Variants in SYT1 observed in about 807,000 individuals in gnomAD.
The protein encoded by SYT1 is synaptotagmin 1, also known as synaptotagmin-1.
In SYT1, 8 loss-of-function variants were observed where a neutral mutation model predicts 44.8. That is an observed-to-expected ratio of 0.18 (90% CI 0.10 to 0.32). SYT1 has a LOEUF of 0.32. SYT1 is among the 10% of genes least tolerant of loss of function. The pLI is 1.00. For missense variants in SYT1, 286 were observed against 509.3 expected, an observed-to-expected ratio of 0.56 and a Z score of 4.22; for synonymous variants, 154 against 188.8, an observed-to-expected ratio of 0.82 and a Z score of 1.51.
intron 3 of SYT1, among the ~76,000 whole-genome samples, chr12:79,178,970 A>C (rs1206443963): frequency 1.3e-5 from 1 of 75,304 alleles, no homozygotes; most frequent in East Asian, 3.5e-4. Flanking sequence ...AGATATAGAT[A>C]TATAGATATA....
intron 3 of SYT1, among the ~76,000 whole-genome samples, chr12:79,052,324 T>C (rs1455285302): frequency 6.6e-6 from 1 of 152,038 alleles, no homozygotes; most frequent in Admixed American, 6.6e-5. Context: ...TGAAATGGGA[T>C]CCCTTCCTTA....
intron 2 of SYT1, among the ~76,000 whole-genome samples, chr12:79,019,702 A>ATT (rs1872058578): frequency 6.6e-6 from 1 of 151,922 alleles, no homozygotes; most frequent in African/African-American, 2.4e-5. Context: ...TTATTTATTT[A>ATT]TTTATTTTAC....
intron 9 of SYT1, among the ~76,000 whole-genome samples, chr12:79,401,502 G>A (rs1454221079): frequency 6.6e-6 from 1 of 152,078 alleles, no homozygotes; most frequent in African/African-American, 2.4e-5. Flanking sequence ...CAAAATCAAA[G>A]TTGGCCCCTT....
At chr12:79,055,892 C>A (rs1435667004) in intron 3 of SYT1, among the ~76,000 whole-genome samples, 1 of 151,934 alleles carries the variant, frequency 6.6e-6, no homozygotes, top group Non-Finnish European at 1.5e-5. Flanking sequence ...TACCACCTAA[C>A]AAATTTCAGT....
At position 79,249,100 on chromosome 12, in the gene SYT1, T is replaced by TTC. The variant is rs1408177969; in HGVS notation, c.166+31416_166+31417insCT. Among the ~76,000 whole-genome samples, 70 of 113,084 alleles carry TTC rather than the reference T, an allele frequency of 6.2e-4. 1 individual carries two copies. The highest frequency in any genetic ancestry group is 2.5e-3 in the African/African-American group (69 of 27,784). 74.2% of individuals were successfully genotyped at this position (113,084 alleles called of 152,430 possible). On this transcript the variant is annotated intron_variant, in intron 4 of 10. Transcript: ENST00000261205. Reference sequence around the variant, plus strand: ...TCTTTACCTCTTTCTTTTTTTTTTTTTTTTTTTTTTTTTTTGAGACGGAGT... The same window carrying TTC: ...TCTTTACCTCTTTCTTTTTTTTTTTTTCTTTTTTTTTTTTTTTGAGACGGAGT...
chr12:78,921,386 G>A (rs1021249679), intron 1 of SYT1, among the ~76,000 whole-genome samples: 6 of 151,890 alleles, frequency 4.0e-5, no homozygotes, highest in African/African-American at 1.4e-4. Flanking sequence ...AGAGTCTCTG[G>A]CAGAAAGCAG....
At chr12:79,430,525 C>T (rs1869714802) in intron 9 of SYT1, among the ~76,000 whole-genome samples, 1 of 152,184 alleles carries the variant, frequency 6.6e-6, no homozygotes, top group Non-Finnish European at 1.5e-5. Flanking sequence ...GTGGCTCATG[C>T]CTGTAATCCC....
chr12:79,281,739 TATATACAGC>T (rs1291241221), intron 4 of SYT1, among the ~76,000 whole-genome samples: 1 of 152,218 alleles, frequency 6.6e-6, no homozygotes, highest in Non-Finnish European at 1.5e-5. Flanking sequence ...TATAGTTACC[TATATACAGC>T]ATATATTACA....
At chr12:79,123,308 A>AGTGTGTGTGTGTGT (rs763524667) in intron 3 of SYT1, among the ~76,000 whole-genome samples, 1,389 of 96,506 alleles carry the variant, frequency 0.014, 18 homozygotes, top group African/African-American at 0.025. Context: ...CTAAAAATGC[A>AGTGTGTGTGTGTGT]ATGTGTGTGT....
At chr12:79,039,935 C>G (rs1361065296) in intron 2 of SYT1, among the ~76,000 whole-genome samples, 2 of 145,662 alleles carry the variant, frequency 1.4e-5, no homozygotes, top group African/African-American at 5.1e-5. Flanking sequence ...ATCCATGTCC[C>G]TACAAAGGAC....
At chr12:79,033,668 C>T (rs1215805012) in intron 2 of SYT1, among the ~76,000 whole-genome samples, 4 of 151,368 alleles carry the variant, frequency 2.6e-5, no homozygotes, top group East Asian at 3.9e-4. Flanking sequence ...CTCCAACTTC[C>T]GAACATCTAA....
intron 1 of SYT1, among the ~76,000 whole-genome samples, chr12:78,905,584 C>T (rs1307972249): frequency 6.6e-6 from 1 of 151,918 alleles, no homozygotes; most frequent in African/African-American, 2.4e-5. Context: ...AAAGGTAAAC[C>T]ATCTATTCTT....
chr12:78,936,871 CAGGCAAGGGAT>C (rs1878092309), intron 1 of SYT1, among the ~76,000 whole-genome samples: 1 of 152,072 alleles, frequency 6.6e-6, no homozygotes, highest in Admixed American at 6.6e-5. Flanking sequence ...TCATATCTTC[CAGGCAAGGGAT>C]GGCTTTGCAA....
At chr12:78,909,457 A>G (rs1351535494) in intron 1 of SYT1, among the ~76,000 whole-genome samples, 4 of 151,960 alleles carry the variant, frequency 2.6e-5, no homozygotes, top group African/African-American at 4.8e-5. Flanking sequence ...AACACAAACA[A>G]TAAATATAAG....
chr12:79,151,930 A>T (rs1442163941), intron 3 of SYT1, among the ~76,000 whole-genome samples: 1 of 152,144 alleles, frequency 6.6e-6, no homozygotes, highest in Non-Finnish European at 1.5e-5. Context: ...CATAAAAGAG[A>T]CATGGCCCAG....
At chr12:79,355,822 C>T (rs1188407966) in intron 9 of SYT1, among the ~76,000 whole-genome samples, 1 of 151,988 alleles carries the variant, frequency 6.6e-6, no homozygotes, top group African/African-American at 2.4e-5. Context: ...ATATTGTGTC[C>T]CTACTTTAAG....
chr12:79,368,683 G>A (rs1421427755), intron 9 of SYT1, among the ~76,000 whole-genome samples: 3 of 151,528 alleles, frequency 2.0e-5, no homozygotes, highest in Non-Finnish European at 4.4e-5. Context: ...TTTTTTGGCT[G>A]CATAAATGTC....
intron 1 of SYT1, among the ~76,000 whole-genome samples, chr12:78,890,113 AAT>A (rs1053580060): frequency 6.6e-6 from 1 of 151,534 alleles, no homozygotes; most frequent in Non-Finnish European, 1.5e-5. Context: ...CCTCAAAAAT[AAT>A]ATTTTTTTCT....
At chr12:79,222,195 T>C (rs1238687224) in intron 4 of SYT1, among the ~76,000 whole-genome samples, 2 of 152,084 alleles carry the variant, frequency 1.3e-5, no homozygotes, top group Admixed American at 1.3e-4. Context: ...TATTATTTGC[T>C]TCTTTTCTCT....
Sources: gnomAD v4.1 joint callset for allele counts (sites outside exome capture counted in the v4.1 genomes callset) on GRCh38, gnomAD v4.1.1 for gene constraint, MANE v1.5 for transcripts, NCBI Gene and HGNC (gene_info 2026-07-23, HGNC 2026-07-21) for gene names.